The following ATP2B2 variants were observed in gnomAD, a reference collection of about 807,000 sequenced individuals.
The protein encoded by ATP2B2 is plasma membrane calcium-transporting ATPase 2.
A neutral mutation model predicts 120.0 loss-of-function variants in ATP2B2; 15 were observed. The observed-to-expected ratio is 0.12, with a 90% CI of 0.08 to 0.19. The LOEUF is 0.19. ATP2B2 is among the 10% of genes least tolerant of loss of function. The pLI is 1.00. For synonymous variants in ATP2B2, 694 were observed against 700.3 expected, an observed-to-expected ratio of 0.99 and a Z score of 0.14; for missense variants, 1,045 against 1,719.8, an observed-to-expected ratio of 0.61 and a Z score of 6.94.
intron 22 of ATP2B2, among the ~76,000 whole-genome samples, chr3:10,332,542 C>T (rs2060009551): frequency 6.6e-6 from 1 of 152,212 alleles, no homozygotes; most frequent in African/African-American, 2.4e-5. Flanking sequence ...TCTCCCCAGT[C>T]TTGGCCACGC....
At chr3:10,459,110 G>A (rs1419168058) in intron 1 of ATP2B2, among the ~76,000 whole-genome samples, 1 of 152,222 alleles carries the variant, frequency 6.6e-6, no homozygotes, top group Non-Finnish European at 1.5e-5. Context: ...GGAGGCCGAA[G>A]GAAGGAGAAA....
intron 1 of ATP2B2, among the ~76,000 whole-genome samples, chr3:10,668,619 A>G (rs1167355023): frequency 1.3e-5 from 2 of 151,832 alleles, no homozygotes; most frequent in Non-Finnish European, 1.5e-5. Flanking sequence ...CTCAGTTGTC[A>G]CCTTCCTTGA....
At chr3:10,349,317 C>T (rs73129233) in intron 16 of ATP2B2, among the ~76,000 whole-genome samples, 12,444 of 152,052 alleles carry the variant, frequency 0.082, 1,631 homozygotes, top group African/African-American at 0.28. Context: ...TATCCAGGCA[C>T]GTTGACACAT....
chr3:10,357,165 A>G (rs899805559), intron 14 of ATP2B2, among the ~76,000 whole-genome samples: 2 of 152,284 alleles, frequency 1.3e-5, no homozygotes, highest in South Asian at 2.1e-4. Flanking sequence ...GCATGAAGGA[A>G]GGGGACCCAC....
At chr3:10,411,432 G>A (rs1023885289) in intron 2 of ATP2B2, among the ~76,000 whole-genome samples, 5 of 152,138 alleles carry the variant, frequency 3.3e-5, no homozygotes, top group Non-Finnish European at 5.9e-5. Context: ...CATGGGAAGC[G>A]AATCCACACT....
intron 2 of ATP2B2, among the ~76,000 whole-genome samples, chr3:10,584,911 A>C (rs1349508306): frequency 3.3e-5 from 5 of 152,126 alleles, no homozygotes; most frequent in Non-Finnish European, 7.3e-5. Flanking sequence ...GTTGAGACAA[A>C]ATCCAGGAAG....
At chr3:10,638,919 G>T (rs2070094546) in intron 1 of ATP2B2, among the ~76,000 whole-genome samples, 1 of 152,226 alleles carries the variant, frequency 6.6e-6, no homozygotes. Flanking sequence ...AATCCTAAAT[G>T]ATTAAGCATC....
chr3:10,521,847 A>AT lies in ATP2B2; in HGVS notation c.-320+12191dup, dbSNP rs202121470. Reference sequence around the variant, plus strand: ...GTCAGAGGCCACGCCAGCCACATACATCATCTCTAACTCTTACAGCAACCC... The same window carrying AT: ...GTCAGAGGCCACGCCAGCCACATACATTCATCTCTAACTCTTACAGCAACCC... On this transcript the variant is annotated intron_variant, in intron 3 of 21. Transcript: ENST00000646379. 3.9e-3 allele frequency among the ~76,000 whole-genome samples: 592 copies of AT among 152,346 alleles called. 7 individuals carry two copies. Among genetic ancestry groups the AT allele is most frequent in the African/African-American group, 0.013 (550 of 41,570 alleles).
intron 1 of ATP2B2, among the ~76,000 whole-genome samples, chr3:10,477,946 T>C (rs2065264111): frequency 6.6e-6 from 1 of 152,242 alleles, no homozygotes; most frequent in African/African-American, 2.4e-5. Flanking sequence ...GTTTGATTTT[T>C]TTGAGGGACC....
intron 2 of ATP2B2, among the ~76,000 whole-genome samples, chr3:10,579,117 C>A (rs2068323985): frequency 6.6e-6 from 1 of 152,214 alleles, no homozygotes; most frequent in African/African-American, 2.4e-5. Flanking sequence ...ACCAGGCCTA[C>A]CTCCCAGGGA....
chr3:10,696,705 G>C (rs1471450261), intron 1 of ATP2B2, among the ~76,000 whole-genome samples: 1 of 152,172 alleles, frequency 6.6e-6, no homozygotes, highest in South Asian at 2.1e-4. Context: ...CCTCACACAA[G>C]GGCAGAGTTT....
intron 2 of ATP2B2, among the ~76,000 whole-genome samples, chr3:10,590,562 G>A (rs1024462884): frequency 1.3e-5 from 2 of 152,214 alleles, no homozygotes; most frequent in Non-Finnish European, 2.9e-5. Context: ...CTGCATGACA[G>A]CCCAGCCTTT....
chr3:10,573,158 T>C (rs2068165377), intron 2 of ATP2B2, among the ~76,000 whole-genome samples: 1 of 152,068 alleles, frequency 6.6e-6, no homozygotes, highest in South Asian at 2.1e-4. Context: ...TACATTTTTT[T>C]TTTTTTGCAT....
At chr3:10,467,235 T>C (rs2064785266) in intron 1 of ATP2B2, among the ~76,000 whole-genome samples, 1 of 152,186 alleles carries the variant, frequency 6.6e-6, no homozygotes, top group Non-Finnish European at 1.5e-5. Flanking sequence ...AACATCTACA[T>C]GGGGAAATTT....
chr3:10,547,428 G>C (rs1032358353), intron 2 of ATP2B2, among the ~76,000 whole-genome samples: 1 of 152,164 alleles, frequency 6.6e-6, no homozygotes, highest in Non-Finnish European at 1.5e-5. Context: ...ACACGCAACA[G>C]GGAGAAAGGA....
intron 11 of ATP2B2, among the ~76,000 whole-genome samples, chr3:10,372,766 T>C (rs1355379146): frequency 6.6e-6 from 1 of 152,196 alleles, no homozygotes; most frequent in African/African-American, 2.4e-5. Flanking sequence ...AATGGAATAT[T>C]CCTATACACA....
intron 1 of ATP2B2, among the ~76,000 whole-genome samples, chr3:10,685,592 G>C (rs1317612189): frequency 6.6e-6 from 1 of 152,182 alleles, no homozygotes. Context: ...AGAAGAAGAG[G>C]GGGCTTCTAT....
chr3:10,685,241 A>C (rs1483352312), intron 1 of ATP2B2, among the ~76,000 whole-genome samples: 1 of 152,206 alleles, frequency 6.6e-6, no homozygotes, highest in Non-Finnish European at 1.5e-5. Context: ...GCAGGTATCT[A>C]ACGGCAGGAA....
At chr3:10,477,947 T>C (rs368213658) in intron 1 of ATP2B2, among the ~76,000 whole-genome samples, 13 of 152,360 alleles carry the variant, frequency 8.5e-5, no homozygotes, top group African/African-American at 3.1e-4. Flanking sequence ...TTTGATTTTT[T>C]TGAGGGACCA....
Sources: allele counts gnomAD v4.1 joint callset (sites outside exome capture counted in the v4.1 genomes callset), GRCh38; gene constraint gnomAD v4.1.1; transcripts MANE v1.5; gene names NCBI Gene and HGNC (gene_info 2026-07-23, HGNC 2026-07-21).